The following EFR3B variants were observed in gnomAD, a reference collection of about 807,000 sequenced individuals.
The protein encoded by EFR3B is EFR3 homolog B, also known as protein EFR3 homolog B.
Under a neutral mutation model 104.7 loss-of-function variants are expected in EFR3B, and 64 were observed. That is an observed-to-expected ratio of 0.61 (90% CI 0.50 to 0.75). The LOEUF (loss-of-function observed/expected upper bound fraction) is 0.75, where lower values mean the gene tolerates loss of function less well. Ranked by LOEUF, EFR3B falls within the 30% of genes least tolerant of loss-of-function variation. The pLI is 0.00. For synonymous variants in EFR3B, 385 were observed against 417.9 expected (o/e 0.92, Z 0.96); for missense variants, 750 against 1,078.5 (o/e 0.70, Z 4.27).
At chr2:25,049,302 A>T (rs747215703) in intron 1 of EFR3B, among the ~76,000 whole-genome samples, 3 of 152,190 alleles carry the variant, frequency 2.0e-5, no homozygotes, top group Non-Finnish European at 4.4e-5. Flanking sequence ...TCATGGGAGT[A>T]TGAGTTATTA....
rs545166980 is a variant in EFR3B at position 25,068,256 on chromosome 2, G to A, written c.8-23069G>A. On this transcript the variant is annotated intron_variant, in intron 1 of 22. Coordinates refer to ENST00000403714, the MANE Select transcript of EFR3B (RefSeq NM_014971.2). ...TTTATTTAGTTTTTTTGAGGAAGCC[G>A]ACAGTCGTGTCCTACTCTGATCTCT... is the stretch of plus-strand genomic sequence containing the variant. 1.0e-3 allele frequency among the ~76,000 whole-genome samples: 154 copies of A among 152,226 alleles called. 1 individual carries two copies. The highest frequency in any genetic ancestry group is 5.0e-4 in the Non-Finnish European group (34 of 68,000).
intron 4 of EFR3B, 50 bp downstream of exon 4, chr2:25,103,837 G>T (rs986818352): frequency 7.8e-6 from 12 of 1,547,158 alleles, no homozygotes; most frequent in Admixed American, 5.9e-5. Flanking sequence ...ATCCTGGGGG[G>T]TGGCAGGGGA....
At chr2:25,149,817 G>C in intron 20 of EFR3B, 75 bp downstream of exon 20, 14 of 1,344,302 alleles carry the variant, frequency 1.0e-5, no homozygotes, top group Non-Finnish European at 1.5e-5. Flanking sequence ...TGCAGATGCA[G>C]CAGGACACAC....
intron 18 of EFR3B, among the ~76,000 whole-genome samples, chr2:25,144,385 A>G (rs1417412995): frequency 6.6e-6 from 1 of 152,084 alleles, no homozygotes; most frequent in East Asian, 1.9e-4. Context: ...TCTACTAAAA[A>G]TACAAAAGAT....
Position 25,139,053 on chromosome 2 carries a change from C to T in EFR3B, c.1723-6C>T. On this transcript the variant is annotated splice_polypyrimidine_tract_variant and splice_region_variant and intron_variant, in intron 15 of 22. Coordinates refer to ENST00000403714, the MANE Select transcript of EFR3B (RefSeq NM_014971.2). ...AACTCCGGAGGCCTTGTCTATGTTG[C>T]CGCAGGACGTGGCCCAAGTCAATGA... 6.4e-7 allele frequency: 1 copy of T among 1,551,674 alleles called. No individual in the cohort carries two copies. The highest frequency in any genetic ancestry group is 1.2e-5 in the South Asian group (1 of 84,016).
At chr2:25,053,508 T>G (rs1667938153) in intron 1 of EFR3B, among the ~76,000 whole-genome samples, 2 of 152,186 alleles carry the variant, frequency 1.3e-5, no homozygotes, top group Admixed American at 1.3e-4. Flanking sequence ...TCTTAGAGAT[T>G]GGTTCCGTGG....
At position 25,080,000 on chromosome 2, in the gene EFR3B, G is replaced by A. The variant is rs376188244; in HGVS notation, c.8-11325G>A. 7.6e-4 allele frequency: 757 copies of A among 993,054 alleles called. 12 individuals are homozygous for A. Among genetic ancestry groups the A allele is most frequent in the South Asian group, 7.4e-3 (584 of 78,616 alleles). 61.5% of individuals were successfully genotyped at this position (993,054 alleles called of 1,614,324 possible). A position where few individuals can be genotyped will look rare whatever the true frequency, so the allele number is the denominator to read the frequency against. The stretch of plus-strand genomic sequence containing the variant: ...ACGTTCTAGCAGTTTCCTCCAAGTC[G>A]TCACAAGCAAGAATTTTAAGCCCAC... On this transcript the variant is annotated intron_variant, in intron 1 of 22. Coordinates refer to ENST00000403714, the MANE Select transcript of EFR3B (RefSeq NM_014971.2).
At chr2:25,122,212 C>T (rs960562909) in intron 5 of EFR3B, among the ~76,000 whole-genome samples, 3 of 152,088 alleles carry the variant, frequency 2.0e-5, no homozygotes, top group African/African-American at 7.2e-5. Flanking sequence ...GGTGATCCAC[C>T]CACATCGGCC....
At chr2:25,098,899 A>ATT (rs35290435) in intron 3 of EFR3B, among the ~76,000 whole-genome samples, 1 of 130,520 alleles carries the variant, frequency 7.7e-6, no homozygotes, top group East Asian at 2.0e-4. Context: ...AATTTCTGGC[A>ATT]TTTTTTCAGG....
At chr2:25,127,537 T>G (rs1213595969) in intron 5 of EFR3B, among the ~76,000 whole-genome samples, 1 of 152,204 alleles carries the variant, frequency 6.6e-6, no homozygotes. Flanking sequence ...TGTATTATTT[T>G]ATAACCAGAA....
At chr2:25,051,194 C>T (rs1024025951) in intron 1 of EFR3B, among the ~76,000 whole-genome samples, 2 of 152,178 alleles carry the variant, frequency 1.3e-5, no homozygotes, top group African/African-American at 2.4e-5. Flanking sequence ...TCACTGCAAC[C>T]TCTACCTCCT....
chr2:25,103,872 G>A (rs1040315056), intron 4 of EFR3B, 85 bp downstream of exon 4: 3 of 1,488,342 alleles, frequency 2.0e-6, no homozygotes, highest in African/African-American at 1.4e-5. Flanking sequence ...GGTCGGCACT[G>A]TCATGTTCTG....
rs1328524916 is a variant in EFR3B, at chr2:25,142,920, G to A, written c.1923-815G>A. Reference sequence around the variant, plus strand: ...GAATAGCCACTGCACTCCAGCCTGGGAAACACAGTGAGGACCCTGTCTTTA... The same window carrying A: ...GAATAGCCACTGCACTCCAGCCTGGAAAACACAGTGAGGACCCTGTCTTTA... On this transcript the variant is annotated intron_variant, in intron 17 of 22. Transcript: ENST00000403714. 2.0e-5 allele frequency among the ~76,000 whole-genome samples: 3 copies of A among 149,024 alleles called. No individual in the cohort carries two copies. In the East Asian group the frequency reaches 5.9e-4, roughly 29 times the overall value.
Position 25,064,836 on chromosome 2 carries a change from T to C in EFR3B, c.7+22517T>C, listed in dbSNP as rs534837479. Among the ~76,000 whole-genome samples the C allele has an allele frequency of 8.7e-4, 132 of 152,328 alleles. 1 individual carries two copies. The highest frequency in any genetic ancestry group is 3.1e-3 in the African/African-American group (127 of 41,574). On this transcript the variant is annotated intron_variant, in intron 1 of 22. Coordinates refer to ENST00000403714, the MANE Select transcript of EFR3B (RefSeq NM_014971.2). ...TCCTTCCAAAAATGTAACCAATACA[T>C]TACTTACACTGATAAATAACATTTT...
chr2:25,062,221 G>A (rs1055068045), intron 1 of EFR3B, among the ~76,000 whole-genome samples: 1 of 152,048 alleles, frequency 6.6e-6, no homozygotes, highest in African/African-American at 2.4e-5. Context: ...TTCTAATTAC[G>A]TTTCAGAAAT....
intron 4 of EFR3B, among the ~76,000 whole-genome samples, chr2:25,105,442 C>T (rs1163272414): frequency 2.0e-5 from 3 of 152,234 alleles, no homozygotes; most frequent in Non-Finnish European, 4.4e-5. Flanking sequence ...TGAGCCACCA[C>T]GCCCAGCCCT....
chr2:25,124,864 C>T (rs1038276612), intron 5 of EFR3B, among the ~76,000 whole-genome samples: 1 of 151,866 alleles, frequency 6.6e-6, no homozygotes, highest in Non-Finnish European at 1.5e-5. Flanking sequence ...CAAGACCAGC[C>T]TGGTCAACAT....
At chr2:25,117,112 G>A (rs551610701) in intron 4 of EFR3B, among the ~76,000 whole-genome samples, 2 of 152,142 alleles carry the variant, frequency 1.3e-5, no homozygotes, top group Admixed American at 6.5e-5. Flanking sequence ...TGGTGTCCCC[G>A]TTCCACCAGG....
Position 25,042,185 on chromosome 2 carries a change from C to T in EFR3B, c.-128C>T, listed in dbSNP as rs550132569. 4.9e-5 allele frequency: 48 copies of T among 982,864 alleles called. No individual in the cohort carries two copies. In the South Asian group the frequency reaches 1.4e-3, roughly 28 times the overall value. The allele number at this position is 982,864 out of a possible 1,614,324, so 60.9% of individuals were successfully genotyped here. ...GGCCGGCCCCCGCGTCTGCTCCCTC[C>T]CCGCCCGGGCCCCTGTCGGCCGCCG... On this transcript the variant is annotated 5_prime_UTR_variant, in exon 1 of 23. Coordinates refer to ENST00000403714, the MANE Select transcript of EFR3B (RefSeq NM_014971.2). This position sits in a 1 kb window ranked among gnomAD's most constrained non-coding sequence, Gnocchi z 5.4.
Sources: allele counts gnomAD v4.1 joint callset (sites outside exome capture counted in the v4.1 genomes callset), GRCh38; gene constraint gnomAD v4.1.1; non-coding constraint Gnocchi (gnomAD v3.1); transcripts MANE v1.5; gene names NCBI Gene and HGNC (gene_info 2026-07-23, HGNC 2026-07-21).